INSL6: variants seen among roughly 807,000 people sequenced by gnomAD.
The protein encoded by INSL6 is insulin-like peptide INSL6.
In INSL6, 16 loss-of-function variants were observed where a neutral mutation model predicts 9.4. The ratio of observed to expected loss-of-function variants is 1.70; its 90% CI spans 1.15 to 2.59. INSL6 has a LOEUF of 2.59. Ranked by LOEUF, INSL6 falls within the 30% of genes most tolerant of loss-of-function variation. INSL6 has a pLI of 0.00. For missense variants in INSL6, 391 were observed against 257.3 expected (o/e 1.52, Z -3.56); for synonymous variants, 154 against 96.9 (o/e 1.59, Z -3.46).
the INSL6 span, among the ~76,000 whole-genome samples, chr9:5,029,534 GAA>G: frequency 2.0e-5 from 3 of 151,966 alleles, no homozygotes; most frequent in Non-Finnish European, 4.4e-5. Context: ...ATTTTGTAAA[GAA>G]AAAAACCCCA....
intron 1 of INSL6, among the ~76,000 whole-genome samples, chr9:5,181,186 T>C (rs1234279132): frequency 6.6e-6 from 1 of 152,162 alleles, no homozygotes; most frequent in East Asian, 1.9e-4. Context: ...TCAATAAGCA[T>C]ACTTTTAAAT....
At chr9:5,040,968 A>T in the INSL6 span, 1 of 572,894 alleles carries the variant, frequency 1.7e-6, no homozygotes, top group Admixed American at 2.3e-5. Context: ...ATACAAACAA[A>T]TATGTGGCTA....
At chr9:5,148,229 A>G (rs1162787074) in intron 2 of INSL6, among the ~76,000 whole-genome samples, 1 of 152,220 alleles carries the variant, frequency 6.6e-6, no homozygotes, top group Non-Finnish European at 1.5e-5. Flanking sequence ...AAGTTTTCAC[A>G]GGACTAAGGG....
At chr9:5,171,902 AT>A (rs1304451081) in intron 1 of INSL6, among the ~76,000 whole-genome samples, 1 of 152,236 alleles carries the variant, frequency 6.6e-6, no homozygotes, top group Non-Finnish European at 1.5e-5. Flanking sequence ...GAAAATGGCC[AT>A]CCTGCCCAAA....
chr9:5,001,872 G>A, the INSL6 span, among the ~76,000 whole-genome samples: 1 of 151,896 alleles, frequency 6.6e-6, no homozygotes, highest in Non-Finnish European at 1.5e-5. Context: ...TACTATTCAA[G>A]GTTTCTGTTT....
chr9:5,131,477 G>A lies in INSL6; in HGVS notation c.*10+1948C>T, dbSNP rs373487712. Among the ~76,000 whole-genome samples the A allele has an allele frequency of 6.3e-3, 729 of 115,756 alleles. 6 individuals are homozygous for A. Among genetic ancestry groups the A allele is most frequent in the African/African-American group, 0.032 (667 of 20,782 alleles). The allele number at this position is 115,756 out of a possible 152,430, so 75.9% of individuals were successfully genotyped here. On this transcript the variant is annotated intron_variant, in intron 3 of 3. Coordinates refer to the INSL6 transcript ENST00000649639. ...TTTGAGACAGAGTTTTGCTCTTGTC[G>A]TCCAGGCTGGAGTGCAATGGCGTGA...
At chr9:5,125,850 A>C (rs1823954750) in intron 3 of INSL6, 1 of 143,056 alleles carries the variant, frequency 7.0e-6, no homozygotes, top group South Asian at 2.2e-4. Context: ...AATTTATAAG[A>C]GCTGTCTATA....
At chr9:5,181,790 T>C (rs1256945211) in intron 1 of INSL6, among the ~76,000 whole-genome samples, 2 of 152,034 alleles carry the variant, frequency 1.3e-5, no homozygotes, top group African/African-American at 4.8e-5. Context: ...GCAAAATATA[T>C]AAACAGGAAA....
chr9:5,032,048 G>C, the INSL6 span, among the ~76,000 whole-genome samples: 24 of 152,260 alleles, frequency 1.6e-4, no homozygotes, highest in African/African-American at 5.5e-4. Flanking sequence ...GGAAAATCGG[G>C]TCACTCCCAC....
the INSL6 span, among the ~76,000 whole-genome samples, chr9:5,016,537 A>G: frequency 7.2e-5 from 11 of 152,248 alleles, no homozygotes; most frequent in African/African-American, 2.7e-4. Flanking sequence ...TTTTCCTGAT[A>G]AAATTTAAAA....
the INSL6 span, among the ~76,000 whole-genome samples, chr9:5,118,480 A>T: frequency 6.6e-6 from 1 of 152,202 alleles, no homozygotes; most frequent in Non-Finnish European, 1.5e-5. Flanking sequence ...AGTTACTAGG[A>T]TACAGTTTTC....
At chr9:5,099,664 C>T in the INSL6 span, 2 of 152,194 alleles carry the variant, frequency 1.3e-5, no homozygotes, top group Non-Finnish European at 2.9e-5. Context: ...CTCTAGTCAT[C>T]AAATTAGTAA....
the INSL6 span, among the ~76,000 whole-genome samples, chr9:5,087,467 C>G: frequency 8.9e-6 from 1 of 112,398 alleles, no homozygotes; most frequent in Non-Finnish European, 1.6e-5. Context: ...CAATGCCAAA[C>G]CATATCACTC....
the INSL6 span, among the ~76,000 whole-genome samples, chr9:5,001,081 A>C: frequency 6.6e-6 from 1 of 152,238 alleles, no homozygotes; most frequent in Admixed American, 6.5e-5. Flanking sequence ...AAATTCATTT[A>C]TAAGTTCTAG....
At chr9:5,039,047 G>A in the INSL6 span, among the ~76,000 whole-genome samples, 20 of 152,168 alleles carry the variant, frequency 1.3e-4, no homozygotes, top group African/African-American at 4.1e-4. Flanking sequence ...CAAAAGTAAT[G>A]TCATACTTAT....
At chr9:5,021,441 C>G in the INSL6 span, among the ~76,000 whole-genome samples, 2 of 152,132 alleles carry the variant, frequency 1.3e-5, no homozygotes, top group Non-Finnish European at 2.9e-5. Flanking sequence ...AGGTTGTTAA[C>G]TGGAATTTTA....
the INSL6 span, chr9:5,110,649 G>A: frequency 1.4e-4 from 31 of 214,746 alleles, no homozygotes; most frequent in Non-Finnish European, 2.8e-4. Flanking sequence ...CCTTATTATC[G>A]AAACCACAAA....
At chr9:5,140,864 C>T (rs1824482676) in intron 2 of INSL6, among the ~76,000 whole-genome samples, 1 of 152,034 alleles carries the variant, frequency 6.6e-6, no homozygotes, top group Non-Finnish European at 1.5e-5. Flanking sequence ...CTCATCCCAC[C>T]CTCCACCCTC....
At chr9:5,133,248 G>A (rs1330351244) in intron 3 of INSL6, among the ~76,000 whole-genome samples, 2 of 151,868 alleles carry the variant, frequency 1.3e-5, no homozygotes, top group South Asian at 4.1e-4. Context: ...AAAAAAAGTT[G>A]AGAAACACTA....
Sources: gnomAD v4.1 joint callset for allele counts (sites outside exome capture counted in the v4.1 genomes callset) on GRCh38, gnomAD v4.1.1 for gene constraint, MANE v1.5 for transcripts, NCBI Gene and HGNC (gene_info 2026-07-23, HGNC 2026-07-21) for gene names.